The following SLC25A19 variants were observed in gnomAD, a reference collection of about 807,000 sequenced individuals.
SLC25A19 encodes solute carrier family 25 member 19, also known as mitochondrial thiamine pyrophosphate carrier.
SLC25A19 carries 18 observed loss-of-function variants against 27.9 expected under a neutral mutation model. That is an observed-to-expected ratio of 0.64 (90% CI 0.45 to 0.96). The LOEUF is 0.96. Among genes scored for constraint, SLC25A19 ranks in the 40% least tolerant of loss-of-function variants. The pLI is 0.00. For missense variants in SLC25A19, 371 were observed against 418.3 expected, an observed-to-expected ratio of 0.89 and a Z score of 0.99; for synonymous variants, 169 against 167.1, an observed-to-expected ratio of 1.01 and a Z score of -0.09.
chr17:75,288,787 A>G (rs1360139860), intron 1 of SLC25A19, among the ~76,000 whole-genome samples, 196 bp from the exon 2 acceptor site: 1 of 152,054 alleles, frequency 6.6e-6, no homozygotes. Context: ...CACCCCAGAC[A>G]TCAATTCCTT....
At chr17:75,281,225 C>A (rs1598187847) in intron 5 of SLC25A19, among the ~76,000 whole-genome samples, 1 of 152,124 alleles carries the variant, frequency 6.6e-6, no homozygotes, top group African/African-American at 2.4e-5. Flanking sequence ...TAAAATTATT[C>A]TTTCTTGGTT....
At chr17:75,280,295 C>T (rs1012419226) in intron 5 of SLC25A19, among the ~76,000 whole-genome samples, 1 of 150,776 alleles carries the variant, frequency 6.6e-6, no homozygotes, top group Admixed American at 6.6e-5. Flanking sequence ...TGCTTGACCC[C>T]AGGAGGTGGA....
chr17:75,275,875 G>A (rs181710051), intron 7 of SLC25A19, among the ~76,000 whole-genome samples: 25 of 152,246 alleles, frequency 1.6e-4, no homozygotes, highest in African/African-American at 5.3e-4. Context: ...GGAGGCCAAG[G>A]CAGGAGAATC....
intron 7 of SLC25A19, among the ~76,000 whole-genome samples, chr17:75,275,604 T>A (rs893936827): frequency 1.3e-5 from 2 of 152,196 alleles, no homozygotes; most frequent in African/African-American, 2.4e-5. Context: ...CTACTGAGAC[T>A]ACAACATGAC....
At chr17:75,275,324 A>G (rs1034839520) in intron 7 of SLC25A19, among the ~76,000 whole-genome samples, 4 of 151,922 alleles carry the variant, frequency 2.6e-5, no homozygotes, top group Non-Finnish European at 5.9e-5. Flanking sequence ...TAAATTTTCT[A>G]AAGTTTCCTA....
At chr17:75,287,320 G>C (rs2078206876) in intron 2 of SLC25A19, 1 of 153,130 alleles carries the variant, frequency 6.5e-6, no homozygotes, top group Non-Finnish European at 1.4e-5. Flanking sequence ...GCCCTGGCTG[G>C]TCTCGAACTC....
At chr17:75,288,916 A>C (rs1202252473) in intron 1 of SLC25A19, 1 of 152,252 alleles carries the variant, frequency 6.6e-6, no homozygotes, top group East Asian at 1.9e-4. Flanking sequence ...CTCAGGTCAC[A>C]CTGAGCAGCG....
chr17:75,286,546 G>A (rs1244949286), intron 3 of SLC25A19, 87 bp from the exon 4 acceptor site: 1 of 1,613,676 alleles, frequency 6.2e-7, no homozygotes, highest in Non-Finnish European at 8.5e-7. Context: ...CCTTCATCTG[G>A]ATAGAATTCC....
At chr17:75,282,317 G>A (rs1465130382) in intron 5 of SLC25A19, among the ~76,000 whole-genome samples, 2 of 152,168 alleles carry the variant, frequency 1.3e-5, no homozygotes, top group South Asian at 2.1e-4. Flanking sequence ...TTGGGAGGCC[G>A]AGGCGGGTGG....
At chr17:75,285,334 G>A (rs1469732838) in intron 4 of SLC25A19, among the ~76,000 whole-genome samples, 1 of 152,138 alleles carries the variant, frequency 6.6e-6, no homozygotes, top group Non-Finnish European at 1.5e-5. Flanking sequence ...AAGTGCAGTG[G>A]CATGATCGTG....
At chr17:75,284,633 C>CATTTTTTTTTTTTTT (rs776356552) in intron 4 of SLC25A19, among the ~76,000 whole-genome samples, 1 of 112,292 alleles carries the variant, frequency 8.9e-6, no homozygotes. Context: ...TCAGATCTTT[C>CATTTTTTTTTTTTTT]TTTTTTTTTT....
In SLC25A19 at chr17:75,283,610, A is replaced by C; in HGVS notation, c.289-17T>G. The C allele has an allele frequency of 6.2e-7, 1 of 1,611,330 alleles. No individual in the cohort carries two copies. ...TGACAAGAACTGCAAGAGTAAGTGAAGAAGTCACCGACAGCCCAAAGGATG... is the reference window on the plus strand; with the variant it reads ...TGACAAGAACTGCAAGAGTAAGTGACGAAGTCACCGACAGCCCAAAGGATG... On this transcript the variant is annotated splice_polypyrimidine_tract_variant and intron_variant, in intron 4 of 7. Transcript: ENST00000416858.
chr17:75,278,337 TGG>T lies in SLC25A19; in HGVS notation c.460-4_460-3del. 6.2e-7 allele frequency: 1 copy of T among 1,614,098 alleles called. No individual in the cohort carries two copies. The highest frequency in any genetic ancestry group is 8.5e-7 in the Non-Finnish European group (1 of 1,180,000). On this transcript the variant is annotated splice_region_variant and splice_polypyrimidine_tract_variant and intron_variant, in intron 5 of 7. Coordinates refer to ENST00000416858, the MANE Select transcript of SLC25A19 (RefSeq NM_001126121.2). ...GGCGTGGCGCAGCGTATTATAGACC[TGG>T]ACACACACACGCACTTTGAATGAGC...
chr17:75,278,311 C>G lies in SLC25A19; in HGVS notation c.484G>C (p.Val162Leu). ...PKVYNTLRHA[V>L]GTMYRSEGPQ... The stretch of plus-strand genomic sequence containing the variant: ...CCTTCGCTCCTATACATGGTCCCCA[C>G]GGCGTGGCGCAGCGTATTATAGACC... Residue 162 changes from valine (V) to leucine (L), a missense_variant, in exon 6 of 8, where the codon GTG becomes CTG. Physicochemically the swap from Val to Leu is conservative, Grantham distance 32. Coordinates refer to ENST00000416858, the MANE Select transcript of SLC25A19 (RefSeq NM_001126121.2). 1.2e-6 allele frequency: 2 copies of G among 1,614,082 alleles called. No homozygotes were observed. Among genetic ancestry groups the G allele is most frequent in the Non-Finnish European group, 1.7e-6 (2 of 1,180,014 alleles).
chr17:75,285,177 T>A (rs1158295007), intron 4 of SLC25A19, among the ~76,000 whole-genome samples: 4 of 152,144 alleles, frequency 2.6e-5, no homozygotes, highest in Non-Finnish European at 5.9e-5. Flanking sequence ...GCTCAAGCCA[T>A]CCTCCCACCT....
intron 2 of SLC25A19, chr17:75,287,163 G>C: frequency 3.8e-6 from 1 of 265,976 alleles, no homozygotes; most frequent in Non-Finnish European, 7.4e-6. Flanking sequence ...GCCCAGGCTG[G>C]AATGCAGTGG....
At chr17:75,276,040 G>A (rs1300337152) in intron 7 of SLC25A19, among the ~76,000 whole-genome samples, 3 of 151,942 alleles carry the variant, frequency 2.0e-5, no homozygotes, top group Non-Finnish European at 2.9e-5. Context: ...TTGGGAGGCC[G>A]AGGCAGGTGG....
intron 6 of SLC25A19, 37 bp downstream of exon 6, chr17:75,278,115 G>A (rs749372670): frequency 4.4e-6 from 7 of 1,608,434 alleles, no homozygotes; most frequent in South Asian, 3.3e-5. Flanking sequence ...TGGTGGCTGG[G>A]GTGGGAGGGC....
chr17:75,282,768 C>T (rs940423641), intron 5 of SLC25A19, among the ~76,000 whole-genome samples: 8 of 151,254 alleles, frequency 5.3e-5, no homozygotes, highest in Admixed American at 2.0e-4. Flanking sequence ...GGGAGAATGG[C>T]GTGAACCCAG....
Sources: gnomAD v4.1 joint callset for allele counts (sites outside exome capture counted in the v4.1 genomes callset) on GRCh38, gnomAD v4.1.1 for gene constraint, MANE v1.5 for transcripts, NCBI Gene and HGNC (gene_info 2026-07-23, HGNC 2026-07-21) for gene names.